FBXO8: variants seen among roughly 807,000 people sequenced by gnomAD.
The protein encoded by FBXO8 is F-box only protein 8.
FBXO8 carries 15 observed loss-of-function variants against 33.4 expected under a neutral mutation model. That is an observed-to-expected ratio of 0.45 (90% CI 0.30 to 0.69). The LOEUF (loss-of-function observed/expected upper bound fraction) is 0.69, where lower values mean the gene tolerates loss of function less well. Ranked by LOEUF, FBXO8 falls within the 30% of genes least tolerant of loss-of-function variation. FBXO8 has a pLI of 0.08. For missense variants in FBXO8, 274 were observed against 380.3 expected, an observed-to-expected ratio of 0.72 and a Z score of 2.32; for synonymous variants, 132 against 131.5, an observed-to-expected ratio of 1.00 and a Z score of -0.02.
At position 174,256,353 on chromosome 4, in the gene FBXO8, T is replaced by C. The variant is rs1736414839; in HGVS notation, c.456+3346A>G. ...AGAGTTAAATGAACCTAAAATAATA[T>C]ATCTGATGACAGTGCTCCAGTGAGT... On this transcript the variant is annotated intron_variant, in intron 3 of 5. Transcript: ENST00000393674. The surrounding 1 kb of genome is among the most constrained non-coding windows in gnomAD (Gnocchi z 4.6). Among the ~76,000 whole-genome samples the C allele has an allele frequency of 1.3e-5, 2 of 152,106 alleles. No homozygotes were observed. Among genetic ancestry groups the C allele is most frequent in the Non-Finnish European group, 2.9e-5 (2 of 68,018 alleles).
intron 2 of FBXO8, among the ~76,000 whole-genome samples, chr4:174,260,441 A>T (rs895915199): frequency 6.6e-6 from 1 of 152,088 alleles, no homozygotes; most frequent in African/African-American, 2.4e-5. Flanking sequence ...AATACACGTT[A>T]CAACAGACAA....
In FBXO8 at chr4:174,252,334, A is replaced by T. The variant is rs1736308596; in HGVS notation, c.456+7365T>A. Among the ~76,000 whole-genome samples the T allele has an allele frequency of 6.6e-6, 1 of 152,166 alleles. No homozygotes were observed. Among genetic ancestry groups the T allele is most frequent in the South Asian group, 2.1e-4 (1 of 4,828 alleles). On this transcript the variant is annotated intron_variant, in intron 3 of 5. Coordinates refer to ENST00000393674, the MANE Select transcript of FBXO8 (RefSeq NM_012180.3). This position sits in a 1 kb window ranked among gnomAD's most constrained non-coding sequence, Gnocchi z 5.1. The stretch of plus-strand genomic sequence containing the variant: ...ACATCTCAAACTCCTAAGAGTCTGG[A>T]TAATAATAATAGCAATAATACATCA...
Position 174,259,890 on chromosome 4 carries a change from C to A in FBXO8, c.330-65G>T. 1 of 1,373,116 alleles carries A rather than the reference C, an allele frequency of 7.3e-7. No homozygotes were observed. Among genetic ancestry groups the A allele is most frequent in the Non-Finnish European group, 9.8e-7 (1 of 1,017,512 alleles). The allele number at this position is 1,373,116 out of a possible 1,614,324, so 85.1% of individuals were successfully genotyped here. A position where few individuals can be genotyped will look rare whatever the true frequency, so the allele number is the denominator to read the frequency against. ...CATTTAATTTCCTAAGTTAAATATG[C>A]ATATACATGCAAAAATAGTAACATG... On this transcript the variant is annotated intron_variant, in intron 2 of 5. Coordinates refer to ENST00000393674, the MANE Select transcript of FBXO8 (RefSeq NM_012180.3). This position sits in a 1 kb window ranked among gnomAD's most constrained non-coding sequence, Gnocchi z 4.3.
rs1289710943 is a variant in FBXO8, at chr4:174,255,646, TA to T, written c.456+4052del. Among the ~76,000 whole-genome samples, 2 of 151,948 alleles carry T rather than the reference TA, an allele frequency of 1.3e-5. No homozygotes were observed. Among genetic ancestry groups the T allele is most frequent in the Non-Finnish European group, 2.9e-5 (2 of 67,932 alleles). ...GAGGATATTTAAAACAAAAACTGTTTAAAAACACAATTACACAAACAAAAAT... is the reference window on the plus strand; with the variant it reads ...GAGGATATTTAAAACAAAAACTGTTTAAAACACAATTACACAAACAAAAAT... On this transcript the variant is annotated intron_variant, in intron 3 of 5. Transcript: ENST00000393674. The surrounding 1 kb of genome is among the most constrained non-coding windows in gnomAD (Gnocchi z 4.3).
At chr4:174,248,563 T>C (rs563954026) in intron 3 of FBXO8, among the ~76,000 whole-genome samples, 121 of 152,210 alleles carry the variant, frequency 7.9e-4, no homozygotes, top group Middle Eastern at 6.8e-3. Context: ...GAGCACACAC[T>C]GTCCACACTG....
chr4:174,250,168 G>A (rs143593388), intron 3 of FBXO8, among the ~76,000 whole-genome samples: 1 of 151,890 alleles, frequency 6.6e-6, no homozygotes, highest in East Asian at 1.9e-4. Flanking sequence ...TTACAGATGG[G>A]GAAACTGAAG....
Position 174,237,490 on chromosome 4 carries a change from G to A in FBXO8, c.882C>T (p.Arg294=), listed in dbSNP as rs77119323. The change falls in exon 6 of 6, where the codon CGC becomes CGT. Residue 294 remains arginine (R), a synonymous_variant. Transcript: ENST00000393674. This position sits in a 1 kb window ranked among gnomAD's most constrained non-coding sequence, Gnocchi z 4.4. ...AATCTTCACTAATATTTTGAGCAGC[G>A]CGACGGGTATTTCGAATAAATTCCC... The part of the protein sequence containing the change: ...SKREFIRNTR[R]AAQNISEDFV... The A allele has an allele frequency of 1.3e-3, 2,073 of 1,613,766 alleles. 27 individuals are homozygous for A. In the African/African-American group the frequency reaches 0.023, roughly 18 times the overall value.
Position 174,245,357 on chromosome 4 carries a change from G to T in FBXO8, c.457-4139C>A, listed in dbSNP as rs889002767. The stretch of plus-strand genomic sequence containing the variant: ...CTGCTAGAGATTAGACTGAAGTATT[G>T]TAAGGGGTTTAGACAAGGAATTTAA... On this transcript the variant is annotated intron_variant, in intron 3 of 5. Transcript: ENST00000393674. This position sits in a 1 kb window ranked among gnomAD's most constrained non-coding sequence, Gnocchi z 4.6. Among the ~76,000 whole-genome samples the T allele has an allele frequency of 5.3e-5, 8 of 151,882 alleles. No individual in the cohort carries two copies. The highest frequency in any genetic ancestry group is 1.2e-4 in the Non-Finnish European group (8 of 67,860).
rs10520276 is a variant in FBXO8 at position 174,262,342 on chromosome 4, T to C, written c.329+422A>G. Among the ~76,000 whole-genome samples, 21,551 of 152,166 alleles carry C rather than the reference T, an allele frequency of 0.14. 2,039 individuals are homozygous for C. Among genetic ancestry groups the C allele is most frequent in the Admixed American group, 0.25 (3,753 of 15,280 alleles). On this transcript the variant is annotated intron_variant, in intron 2 of 5. Transcript: ENST00000393674. The surrounding 1 kb of genome is among the most constrained non-coding windows in gnomAD (Gnocchi z 4.6). ...TGAAGAAAATTAAAAACAGTAACAT[T>C]TGAGGACTATTCATTGATTTCGAAG...
intron 1 of FBXO8, among the ~76,000 whole-genome samples, chr4:174,271,803 T>C (rs1453667007): frequency 1.3e-5 from 2 of 152,230 alleles, no homozygotes; most frequent in Non-Finnish European, 2.9e-5. Context: ...TAGCAATTAC[T>C]TGATTTATTT....
At chr4:174,244,055 A>G (rs1311734852) in intron 3 of FBXO8, among the ~76,000 whole-genome samples, 1 of 151,594 alleles carries the variant, frequency 6.6e-6, no homozygotes, top group Non-Finnish European at 1.5e-5. Context: ...CTTAGGAAAG[A>G]AGAAAAGATT....
At chr4:174,238,744 T>C (rs954414122) in intron 5 of FBXO8, among the ~76,000 whole-genome samples, 1 of 140,028 alleles carries the variant, frequency 7.1e-6, no homozygotes, top group Admixed American at 7.4e-5. Flanking sequence ...TAAATGGCTA[T>C]ATATACATAG....
intron 1 of FBXO8, among the ~76,000 whole-genome samples, chr4:174,269,582 G>A (rs907861840): frequency 1.3e-5 from 2 of 151,950 alleles, no homozygotes; most frequent in African/African-American, 4.8e-5. Context: ...CTACTGGGAA[G>A]GCTGAGGCAG....
In FBXO8 at chr4:174,265,795, A is replaced by G. The variant is rs1050597298; in HGVS notation, c.-8-2695T>C. ...TAAGTACAACTTAATTTTGACACAA[A>G]TTGAACATTTTAAGTCTACTAATCA... is the stretch of plus-strand genomic sequence containing the variant. On this transcript the variant is annotated intron_variant, in intron 1 of 5. Transcript: ENST00000393674. The surrounding 1 kb of genome is among the most constrained non-coding windows in gnomAD (Gnocchi z 4.7). Among the ~76,000 whole-genome samples, 1 of 152,180 alleles carries G rather than the reference A, an allele frequency of 6.6e-6. No individual in the cohort carries two copies. The highest frequency in any genetic ancestry group is 1.5e-5 in the Non-Finnish European group (1 of 68,028).
Position 174,241,394 on chromosome 4 carries a change from T to C in FBXO8, c.457-176A>G, listed in dbSNP as rs1579017363. On this transcript the variant is annotated intron_variant, in intron 3 of 5. Coordinates refer to ENST00000393674, the MANE Select transcript of FBXO8 (RefSeq NM_012180.3). This position sits in a 1 kb window ranked among gnomAD's most constrained non-coding sequence, Gnocchi z 4.2. Reference sequence around the variant, plus strand: ...AACTGAAACTATTGTTTGTGGTTGATAGTTTACATGCAATGAAAAGCAGGA... The same window carrying C: ...AACTGAAACTATTGTTTGTGGTTGACAGTTTACATGCAATGAAAAGCAGGA... Among the ~76,000 whole-genome samples the C allele has an allele frequency of 6.6e-6, 1 of 151,682 alleles. No homozygotes were observed. Among genetic ancestry groups the C allele is most frequent in the African/African-American group, 2.4e-5 (1 of 41,410 alleles).
chr4:174,237,670 G>A lies in FBXO8; in HGVS notation c.773-71C>T, dbSNP rs1735918118. ...ATATGATTCCAATGGCATTATATAA[G>A]GCAAAAATGTTCATAATTTCAAGAT... On this transcript the variant is annotated intron_variant, in intron 5 of 5. Coordinates refer to ENST00000393674, the MANE Select transcript of FBXO8 (RefSeq NM_012180.3). The surrounding 1 kb of genome is among the most constrained non-coding windows in gnomAD (Gnocchi z 4.4). The A allele has an allele frequency of 8.0e-7, 1 of 1,243,660 alleles. No individual in the cohort carries two copies. The highest frequency in any genetic ancestry group is 1.1e-6 in the Non-Finnish European group (1 of 899,754). 77.0% of individuals were successfully genotyped at this position (1,243,660 alleles called of 1,614,324 possible).
rs1453313435 is a variant in FBXO8 at position 174,272,683 on chromosome 4, AG to A, written c.-8-9584del. Among the ~76,000 whole-genome samples the A allele has an allele frequency of 6.6e-6, 1 of 152,260 alleles. No individual in the cohort carries two copies. Among genetic ancestry groups the A allele is most frequent in the Non-Finnish European group, 1.5e-5 (1 of 68,046 alleles). ...TTTACCATCAGAGAAAAAATAATTT[AG>A]GCAAGAATTATCAATGGATGTTGTT... On this transcript the variant is annotated intron_variant, in intron 1 of 5. Coordinates refer to ENST00000393674, the MANE Select transcript of FBXO8 (RefSeq NM_012180.3). The surrounding 1 kb of genome is among the most constrained non-coding windows in gnomAD (Gnocchi z 4.7).
intron 4 of FBXO8, among the ~76,000 whole-genome samples, chr4:174,240,491 A>G (rs1736008052): frequency 6.6e-6 from 1 of 151,818 alleles, no homozygotes; most frequent in African/African-American, 2.4e-5. Context: ...GTTATGTGGC[A>G]TCAAAATGTT....
In FBXO8 at chr4:174,270,643, A is replaced by AGTCTT. The variant is rs1419713727; in HGVS notation, c.-8-7548_-8-7544dup. 2.9e-4 allele frequency among the ~76,000 whole-genome samples: 39 copies of AGTCTT among 132,846 alleles called. No homozygotes were observed. In the East Asian group the frequency reaches 8.1e-3, roughly 28 times the overall value. 87.2% of individuals were successfully genotyped at this position (132,846 alleles called of 152,430 possible). On this transcript the variant is annotated intron_variant, in intron 1 of 5. Coordinates refer to ENST00000393674, the MANE Select transcript of FBXO8 (RefSeq NM_012180.3). The surrounding 1 kb of genome is among the most constrained non-coding windows in gnomAD (Gnocchi z 4.6). ...GTATTTTTTTTTTTTTTTGAGATTTAGTCTTGTCTTGTTCCCCAGCTGCAG... is the reference window on the plus strand; with the variant it reads ...GTATTTTTTTTTTTTTTTGAGATTTAGTCTTGTCTTGTCTTGTTCCCCAGCTGCAG...
Sources: gnomAD v4.1 joint callset for allele counts (sites outside exome capture counted in the v4.1 genomes callset) on GRCh38, gnomAD v4.1.1 for gene constraint, Gnocchi (gnomAD v3.1) non-coding constraint, MANE v1.5 for transcripts, NCBI Gene and HGNC (gene_info 2026-07-23, HGNC 2026-07-21) for gene names.